The following MYO10 variants were observed in gnomAD, a reference collection of about 807,000 sequenced individuals.
The protein encoded by MYO10 is unconventional myosin-X.
MYO10 carries 133 observed loss-of-function variants against 257.3 expected under a neutral mutation model. The ratio of observed to expected loss-of-function variants is 0.52; its 90% CI spans 0.45 to 0.60. The LOEUF (loss-of-function observed/expected upper bound fraction) is 0.60, where lower values mean the gene tolerates loss of function less well. MYO10 is among the 20% of genes least tolerant of loss of function. The pLI is 0.00. For missense variants in MYO10, 2,399 were observed against 2,635.7 expected (o/e 0.91, Z 1.97); for synonymous variants, 1,104 against 1,028.6 (o/e 1.07, Z -1.40).
chr5:16,752,764 G>A (rs1263955675), intron 19 of MYO10, among the ~76,000 whole-genome samples: 3 of 152,190 alleles, frequency 2.0e-5, no homozygotes, highest in Non-Finnish European at 2.9e-5. Flanking sequence ...CCACCAGAGT[G>A]TACAAAGCAA....
At chr5:16,872,528 A>C (rs1161424381) in intron 2 of MYO10, among the ~76,000 whole-genome samples, 1 of 152,248 alleles carries the variant, frequency 6.6e-6, no homozygotes, top group South Asian at 2.1e-4. Flanking sequence ...TGTGATTCTT[A>C]CCATAATTTT....
rs1738572039 is a variant in MYO10 at position 16,710,944 on chromosome 5, A to G, written c.2133T>C (p.Asp711=). ...GKCTSLLQLY[D]ASNSEWQLGK... is the part of the protein sequence containing the mutation. The stretch of plus-strand genomic sequence containing the variant: ...CCAGCTGCCACTCGCTGTTGGAGGC[A>G]TCATAGAGCTGCAGCAGGCTCGTGC... The change falls in exon 21 of 41, where the codon GAT becomes GAC. Residue 711 remains aspartate (D), a synonymous_variant. Transcript: ENST00000513610. The G allele has an allele frequency of 6.2e-7, 1 of 1,613,820 alleles. No homozygotes were observed. Among genetic ancestry groups the G allele is most frequent in the Non-Finnish European group, 8.5e-7 (1 of 1,179,868 alleles).
intron 2 of MYO10, among the ~76,000 whole-genome samples, chr5:16,843,421 C>T (rs985116710): frequency 9.9e-5 from 15 of 151,930 alleles, no homozygotes; most frequent in African/African-American, 3.6e-4. Flanking sequence ...AGCAATCAGC[C>T]CTCTGGCAAG....
At chr5:16,684,006 T>C in intron 29 of MYO10, 71 bp from the exon 30 acceptor site, 1 of 1,367,788 alleles carries the variant, frequency 7.3e-7, no homozygotes, top group Non-Finnish European at 1.0e-6. Context: ...GTAATACCTC[T>C]AGCCCACAAC....
chr5:16,902,377 G>A (rs544956348), intron 1 of MYO10: 10 of 1,251,636 alleles, frequency 8.0e-6, no homozygotes, highest in South Asian at 4.8e-5. Context: ...CGGGCTTCAC[G>A]AGATCGATTC....
chr5:16,837,633 T>C (rs1743353031), intron 2 of MYO10, among the ~76,000 whole-genome samples: 1 of 152,126 alleles, frequency 6.6e-6, no homozygotes, highest in Admixed American at 6.6e-5. Context: ...GTGGGTTACA[T>C]CTCAATAAAA....
chr5:16,831,863 A>C (rs1273267137), intron 2 of MYO10, among the ~76,000 whole-genome samples: 2 of 152,208 alleles, frequency 1.3e-5, no homozygotes, highest in African/African-American at 4.8e-5. Context: ...TTCCCCCAAT[A>C]ACCTATGGAA....
At chr5:16,729,306 A>G (rs570899523) in intron 19 of MYO10, among the ~76,000 whole-genome samples, 3 of 152,360 alleles carry the variant, frequency 2.0e-5, no homozygotes, top group Admixed American at 1.3e-4. Context: ...CTTCTTCAAA[A>G]CTACCACAAG....
intron 1 of MYO10, among the ~76,000 whole-genome samples, chr5:16,889,827 A>G (rs1425454584): frequency 6.6e-6 from 1 of 151,756 alleles, no homozygotes; most frequent in Non-Finnish European, 1.5e-5. Context: ...GAAATCTGAT[A>G]CCAGACATCC....
chr5:16,925,312 T>C (rs1746102603), intron 1 of MYO10, among the ~76,000 whole-genome samples: 1 of 152,132 alleles, frequency 6.6e-6, no homozygotes, highest in South Asian at 2.1e-4. Flanking sequence ...AAAATCAGAA[T>C]GAAATAAAAC....
At chr5:16,884,579 G>C (rs965585590) in intron 1 of MYO10, among the ~76,000 whole-genome samples, 1 of 152,060 alleles carries the variant, frequency 6.6e-6, no homozygotes, top group East Asian at 1.9e-4. Context: ...AGGGAGTGGG[G>C]ATATTGGTTC....
chr5:16,892,370 G>C (rs1428569647), intron 1 of MYO10, among the ~76,000 whole-genome samples: 6 of 152,208 alleles, frequency 3.9e-5, no homozygotes, highest in Non-Finnish European at 7.3e-5. Flanking sequence ...GCCGGGCACG[G>C]TGGCTCACGA....
intron 27 of MYO10, among the ~76,000 whole-genome samples, chr5:16,690,340 G>A (rs1318782952): frequency 6.6e-6 from 1 of 152,142 alleles, no homozygotes; most frequent in Non-Finnish European, 1.5e-5. Context: ...GTGGGGAGTG[G>A]GGTGGTGGTT....
chr5:16,808,845 T>C lies in MYO10; in HGVS notation c.279+9164A>G, dbSNP rs141609513. On this transcript the variant is annotated intron_variant, in intron 3 of 40. Coordinates refer to ENST00000513610, the MANE Select transcript of MYO10 (RefSeq NM_012334.3). ...CGCCACCACGCCTGGCTAATTTTTG[T>C]ATTTTTAGTAGAGATGGGGTTTCAC... Among the ~76,000 whole-genome samples the C allele has an allele frequency of 3.3e-5, 5 of 152,052 alleles. No individual in the cohort carries two copies. In the East Asian group the frequency reaches 7.8e-4, roughly 24 times the overall value.
At chr5:16,934,595 A>G (rs1054593039) in intron 1 of MYO10, among the ~76,000 whole-genome samples, 1 of 152,234 alleles carries the variant, frequency 6.6e-6, no homozygotes, top group African/African-American at 2.4e-5. Context: ...TTTTTTAAGA[A>G]AAGGAAAAAT....
chr5:16,694,759 T>TCTCTGC, intron 26 of MYO10, 145 bp from the exon 27 acceptor site: 1 of 1,060,428 alleles, frequency 9.4e-7, no homozygotes, highest in Non-Finnish European at 1.4e-6. Flanking sequence ...CAGTGAGGAG[T>TCTCTGC]GGCACTGCTA....
chr5:16,821,506 A>G, intron 2 of MYO10, among the ~76,000 whole-genome samples: 1 of 112,144 alleles, frequency 8.9e-6, no homozygotes, highest in African/African-American at 3.5e-5. Flanking sequence ...TCGCTCTGTC[A>G]CCCAGGCTGG....
At chr5:16,805,194 G>A (rs33400) in intron 3 of MYO10, among the ~76,000 whole-genome samples, 49,646 of 151,952 alleles carry the variant, frequency 0.33, 9,996 homozygotes, top group Non-Finnish European at 0.44. Flanking sequence ...TGGGTGCAGT[G>A]GCTCACACCT....
At chr5:16,686,775 C>T (rs1300140500) in intron 28 of MYO10, among the ~76,000 whole-genome samples, 1 of 152,100 alleles carries the variant, frequency 6.6e-6, no homozygotes, top group African/African-American at 2.4e-5. Flanking sequence ...GATTCACCTA[C>T]CTCGGCCTCC....
Sources: allele counts gnomAD v4.1 joint callset (sites outside exome capture counted in the v4.1 genomes callset), GRCh38; gene constraint gnomAD v4.1.1; transcripts MANE v1.5; gene names NCBI Gene and HGNC (gene_info 2026-07-23, HGNC 2026-07-21).